Variants in YBX3 observed in about 807,000 individuals in gnomAD.
YBX3 encodes Y-box-binding protein 3.
YBX3 carries 29 observed loss-of-function variants against 42.4 expected under a neutral mutation model. That is an observed-to-expected ratio of 0.68 (90% CI 0.51 to 0.93). YBX3 has a LOEUF of 0.93. Ranked by LOEUF, YBX3 falls within the 40% of genes least tolerant of loss-of-function variation. The pLI is 0.00. For synonymous variants in YBX3, 195 were observed against 189.8 expected (o/e 1.03, Z -0.22); for missense variants, 517 against 527.5 (o/e 0.98, Z 0.19).
intron 3 of YBX3, among the ~76,000 whole-genome samples, chr12:10,717,524 T>C (rs1218782553): frequency 6.6e-6 from 1 of 152,208 alleles, no homozygotes; most frequent in Non-Finnish European, 1.5e-5. Context: ...ATCTTACCCA[T>C]TTCCTCTATT....
At position 10,722,824 on chromosome 12, in the gene YBX3, CCCCTGCCCT is replaced by C. The variant is rs772507608; in HGVS notation, c.262+17_262+25del. 32 of 1,439,586 alleles carry C rather than the reference CCCCTGCCCT, an allele frequency of 2.2e-5. No homozygotes were observed. The highest frequency in any genetic ancestry group is 2.7e-5 in the Non-Finnish European group (30 of 1,095,246). 89.2% of individuals were successfully genotyped at this position (1,439,586 alleles called of 1,614,324 possible). On this transcript the variant is annotated intron_variant, in intron 1 of 9. Transcript: ENST00000228251. ...GGCTGGGCCCGCCCCACTACGGCAG[CCCCTGCCCT>C]CCCTGGCCTGACTCACCGAGAACTT...
intron 3 of YBX3, among the ~76,000 whole-genome samples, chr12:10,716,838 G>A (rs1252002778): frequency 6.6e-6 from 1 of 152,030 alleles, no homozygotes; most frequent in Non-Finnish European, 1.5e-5. Context: ...CCTCCCTGCC[G>A]GCTCGCTCCC....
At chr12:10,719,241 A>T in intron 1 of YBX3, 98 bp from the exon 2 acceptor site, 1 of 949,798 alleles carries the variant, frequency 1.1e-6, no homozygotes, top group Non-Finnish European at 1.6e-6. Flanking sequence ...GCCTAAACAT[A>T]CCTAAAGAAA....
In YBX3 at chr12:10,719,163, A is replaced by G. The variant is rs778778825; in HGVS notation, c.263-20T>C. 2 of 1,604,398 alleles carry G rather than the reference A, an allele frequency of 1.2e-6. No homozygotes were observed. Among genetic ancestry groups the G allele is most frequent in the Non-Finnish European group, 1.7e-6 (2 of 1,171,956 alleles). On this transcript the variant is annotated intron_variant, in intron 1 of 9. Transcript: ENST00000228251. Reference sequence around the variant, plus strand: ...TGGTGGCTAAAATAGGATTAAGCAGATAAATTAGTATCTGACCTACAGAGA... The same window carrying G: ...TGGTGGCTAAAATAGGATTAAGCAGGTAAATTAGTATCTGACCTACAGAGA...
chr12:10,714,093 A>T (rs761968568), intron 4 of YBX3, among the ~76,000 whole-genome samples: 1 of 152,240 alleles, frequency 6.6e-6, no homozygotes, highest in Admixed American at 6.5e-5. Context: ...GATATCAGAG[A>T]TCCTCACAGA....
chr12:10,714,741 CCCCAAAGCAGTTTTT>C (rs1297441236), intron 4 of YBX3, among the ~76,000 whole-genome samples: 5 of 151,846 alleles, frequency 3.3e-5, no homozygotes, highest in Admixed American at 6.6e-5. Context: ...AAATCTTTTG[CCCCAAAGCAGTTTTT>C]CTTTTCTTTT....
At chr12:10,713,999 C>G (rs1316895500) in intron 4 of YBX3, among the ~76,000 whole-genome samples, 4 of 152,124 alleles carry the variant, frequency 2.6e-5, no homozygotes, top group Non-Finnish European at 5.9e-5. Flanking sequence ...GTATTTCACA[C>G]CCTACATCAC....
intron 1 of YBX3, 71 bp from the exon 2 acceptor site, chr12:10,719,214 T>C (rs1948298063): frequency 1.5e-6 from 2 of 1,319,610 alleles, no homozygotes; most frequent in Middle Eastern, 1.9e-4. Flanking sequence ...ACTAAGATCT[T>C]GATAACATTA....
Position 10,710,108 on chromosome 12 carries a change from C to T in YBX3, c.580G>A (p.Gly194Arg). 1 of 1,613,168 alleles carries T rather than the reference C, an allele frequency of 6.2e-7. No individual in the cohort carries two copies. Among genetic ancestry groups the T allele is most frequent in the Non-Finnish European group, 8.5e-7 (1 of 1,179,848 alleles). Residue 194 changes from glycine to arginine, a missense_variant, in exon 6 of 10, where the codon GGG (glycine) becomes AGG (arginine). Physicochemically the swap from Gly to Arg is moderately radical, Grantham distance 125 (BLOSUM62 -2). Transcript: ENST00000228251. ...CCGCTCCCTTCCTCCTCCTCCTCCC[C>T]AGCGTACTAGCGAAGCAAAGAAACA... is the stretch of plus-strand genomic sequence containing the variant. The part of the protein sequence containing the change: ...RRRGPPRNYA[G>R]EEEEEGSGSS...
chr12:10,723,281 T>C lies in YBX3; in HGVS notation c.-170A>G, dbSNP rs376321849. 4 of 1,078,470 alleles carry C rather than the reference T, an allele frequency of 3.7e-6. No homozygotes were observed. Among genetic ancestry groups the C allele is most frequent in the Non-Finnish European group, 3.5e-6 (3 of 866,932 alleles). The allele number at this position is 1,078,470 out of a possible 1,614,324, so 66.8% of individuals were successfully genotyped here. A position where few individuals can be genotyped will look rare whatever the true frequency, so the allele number is the denominator to read the frequency against. Reference sequence around the variant, plus strand: ...TCGCGCGGCGGAGGCGGCTCGAGCTTCGTGCTGCGCGCTCTCTCTTGGGCT... The same window carrying C: ...TCGCGCGGCGGAGGCGGCTCGAGCTCCGTGCTGCGCGCTCTCTCTTGGGCT... On this transcript the variant is annotated 5_prime_UTR_variant, in exon 1 of 10. Coordinates refer to ENST00000228251, the MANE Select transcript of YBX3 (RefSeq NM_003651.5).
intron 6 of YBX3, among the ~76,000 whole-genome samples, chr12:10,708,317 TA>T (rs1948160296): frequency 8.0e-6 from 1 of 124,910 alleles, no homozygotes; most frequent in African/African-American, 2.5e-5. Flanking sequence ...TATATATTCC[TA>T]TTTTTTTTTT....
chr12:10,701,069 C>T (rs11053908), intron 9 of YBX3, among the ~76,000 whole-genome samples, 185 bp downstream of exon 9: 28,755 of 152,148 alleles, frequency 0.19, 3,164 homozygotes, highest in East Asian at 0.49. Context: ...CAAAGCTTAT[C>T]AAAATGAGGT....
Position 10,723,177 on chromosome 12 carries a change from G to A in YBX3, c.-66C>T. The A allele has an allele frequency of 8.4e-7, 1 of 1,184,596 alleles. No homozygotes were observed. Among genetic ancestry groups the A allele is most frequent in the Non-Finnish European group, 1.0e-6 (1 of 957,750 alleles). The allele number at this position is 1,184,596 out of a possible 1,614,324, so 73.4% of individuals were successfully genotyped here. ...GGTTGGTCGGCGGTTAGCGCGGCTG[G>A]TGGTCGCGGCGGCCGGGGCTCGCTC... On this transcript the variant is annotated 5_prime_UTR_variant, in exon 1 of 10. Transcript: ENST00000228251.
chr12:10,716,701 T>TC (rs1948266531), intron 3 of YBX3, among the ~76,000 whole-genome samples: 1 of 151,994 alleles, frequency 6.6e-6, no homozygotes, highest in Admixed American at 6.6e-5. Context: ...ATCCAGCCCG[T>TC]CCCCTAACTC....
chr12:10,716,897 A>C (rs1948269211), intron 3 of YBX3, among the ~76,000 whole-genome samples: 1 of 152,146 alleles, frequency 6.6e-6, no homozygotes, highest in South Asian at 2.1e-4. Context: ...GTGACTCACC[A>C]CACAACCTCA....
chr12:10,710,165 A>G, intron 5 of YBX3, 51 bp from the exon 6 acceptor site: 2 of 1,579,608 alleles, frequency 1.3e-6, no homozygotes, highest in Non-Finnish European at 1.7e-6. Context: ...CAAGGAAAGA[A>G]CCAAAGAACA....
chr12:10,710,373 G>C, intron 5 of YBX3: 1 of 1,386,844 alleles, frequency 7.2e-7, no homozygotes, highest in Non-Finnish European at 9.3e-7. Context: ...CAATTTAATA[G>C]TCATCTCATT....
chr12:10,703,649 T>C (rs1948105362), intron 7 of YBX3: 2 of 381,340 alleles, frequency 5.2e-6, no homozygotes, highest in Admixed American at 3.1e-5. Flanking sequence ...ATTCAGGCGA[T>C]TTGATCATAC....
intron 8 of YBX3, 52 bp from the exon 9 acceptor site, chr12:10,701,405 A>C (rs775794957): frequency 9.1e-6 from 7 of 769,172 alleles, no homozygotes; most frequent in Non-Finnish European, 1.7e-5. Flanking sequence ...GACAGTGGAA[A>C]GTTCAAGACT....
Sources: allele counts gnomAD v4.1 joint callset (sites outside exome capture counted in the v4.1 genomes callset), GRCh38; gene constraint gnomAD v4.1.1; transcripts MANE v1.5; gene names NCBI Gene and HGNC (gene_info 2026-07-23, HGNC 2026-07-21).